CTTNBP2NL: variants seen among roughly 807,000 people sequenced by gnomAD.
CTTNBP2NL encodes the protein CTTNBP2 N-terminal like.
A neutral mutation model predicts 32.5 loss-of-function variants in CTTNBP2NL; 16 were observed. The observed-to-expected ratio is 0.49, with a 90% CI of 0.33 to 0.75. CTTNBP2NL has a LOEUF of 0.75. Ranked by LOEUF, CTTNBP2NL falls within the 30% of genes least tolerant of loss-of-function variation. The pLI, the probability that CTTNBP2NL is intolerant of heterozygous loss-of-function variation, is 0.02. For synonymous variants in CTTNBP2NL, 298 were observed against 289.4 expected (o/e 1.03, Z -0.30); for missense variants, 645 against 756.0 (o/e 0.85, Z 1.72).
chr1:112,449,424 AC>A (rs1650155642), intron 4 of CTTNBP2NL, among the ~76,000 whole-genome samples: 3 of 108,504 alleles, frequency 2.8e-5, no homozygotes, highest in Middle Eastern at 5.6e-3. Flanking sequence ...ACTCCAAAAC[AC>A]TTTGTATGTT....
intron 2 of CTTNBP2NL, among the ~76,000 whole-genome samples, chr1:112,415,084 G>C (rs1649016209): frequency 6.6e-6 from 1 of 152,112 alleles, no homozygotes; most frequent in South Asian, 2.1e-4. Context: ...CTAGCTACTT[G>C]GGAGGCTGAG....
At chr1:112,421,944 G>T (rs957673916) in intron 3 of CTTNBP2NL, among the ~76,000 whole-genome samples, 10 of 152,046 alleles carry the variant, frequency 6.6e-5, no homozygotes, top group Non-Finnish European at 1.5e-4. Context: ...ATTGTTTGAT[G>T]CAGCTTATTT....
intron 3 of CTTNBP2NL, among the ~76,000 whole-genome samples, chr1:112,440,546 C>T (rs1044534457): frequency 3.3e-5 from 5 of 152,138 alleles, no homozygotes; most frequent in African/African-American, 1.2e-4. Flanking sequence ...AGTAAAGTTC[C>T]TCAAAATGCA....
chr1:112,412,593 A>G (rs1246509396), intron 2 of CTTNBP2NL, among the ~76,000 whole-genome samples: 1 of 148,468 alleles, frequency 6.7e-6, no homozygotes, highest in Non-Finnish European at 1.5e-5. Context: ...TGTAGACACT[A>G]AGCTGAGTTG....
intron 3 of CTTNBP2NL, among the ~76,000 whole-genome samples, chr1:112,427,675 C>T (rs576770582): frequency 6.6e-6 from 1 of 152,236 alleles, no homozygotes; most frequent in South Asian, 2.1e-4. Flanking sequence ...GCAAGTGGAT[C>T]ACGAGGTCAG....
chr1:112,420,198 TGCAATA>T (rs1049454714), intron 3 of CTTNBP2NL, among the ~76,000 whole-genome samples: 1 of 148,482 alleles, frequency 6.7e-6, no homozygotes, highest in Non-Finnish European at 1.5e-5. Flanking sequence ...CAGGCTGGAG[TGCAATA>T]GCATGGTTTC....
chr1:112,428,016 C>G (rs1270867788), intron 3 of CTTNBP2NL, among the ~76,000 whole-genome samples: 2 of 151,738 alleles, frequency 1.3e-5, no homozygotes, highest in Non-Finnish European at 2.9e-5. Context: ...CGTTTAATGA[C>G]ATAGTAGTGT....
chr1:112,402,056 C>A (rs1648520585), intron 1 of CTTNBP2NL, among the ~76,000 whole-genome samples: 1 of 152,148 alleles, frequency 6.6e-6, no homozygotes. Context: ...TGCGTAGATT[C>A]TTTGTGCAAA....
chr1:112,449,800 T>C (rs1373668122), intron 4 of CTTNBP2NL, among the ~76,000 whole-genome samples: 1 of 151,644 alleles, frequency 6.6e-6, no homozygotes, highest in Admixed American at 6.6e-5. Flanking sequence ...ACCTTATGGT[T>C]ATTTACAGTA....
chr1:112,400,407 TCA>T (rs1285634860), intron 1 of CTTNBP2NL, among the ~76,000 whole-genome samples: 1 of 152,186 alleles, frequency 6.6e-6, no homozygotes, highest in African/African-American at 2.4e-5. Flanking sequence ...ACACCTGTAA[TCA>T]CAGCACTTTT....
At chr1:112,410,415 C>G (rs868249805) in intron 1 of CTTNBP2NL, among the ~76,000 whole-genome samples, 20 of 151,162 alleles carry the variant, frequency 1.3e-4, no homozygotes, top group Admixed American at 4.6e-4. Flanking sequence ...AAGTGTTATA[C>G]TTAGCCCTTA....
intron 1 of CTTNBP2NL, among the ~76,000 whole-genome samples, chr1:112,410,910 C>T (rs12073629): frequency 2.1e-3 from 319 of 152,280 alleles, no homozygotes; most frequent in African/African-American, 7.3e-3. Context: ...TGACAAGTGA[C>T]AGCTTACTTA....
Position 112,458,739 on chromosome 1 carries a change from AG to A in CTTNBP2NL, c.*1328del, listed in dbSNP as rs1650455851. 6.6e-6 allele frequency: 1 copy of A among 152,202 alleles called. No individual in the cohort carries two copies. The highest frequency in any genetic ancestry group is 1.5e-5 in the Non-Finnish European group (1 of 68,068). 9.4% of individuals were successfully genotyped at this position (152,202 alleles called of 1,614,324 possible). A position where few individuals can be genotyped will look rare whatever the true frequency, so the allele number is the denominator to read the frequency against. Reference sequence around the variant, plus strand: ...GTAATCTTATCACTTTGGGAGGCTGAGATGGGAGGATCTCTTGAGACCAGGT... The same window carrying A: ...GTAATCTTATCACTTTGGGAGGCTGAATGGGAGGATCTCTTGAGACCAGGT... On this transcript the variant is annotated 3_prime_UTR_variant, in exon 6 of 6. Transcript: ENST00000271277.
intron 4 of CTTNBP2NL, among the ~76,000 whole-genome samples, chr1:112,451,777 A>AC (rs2101032210): frequency 8.1e-6 from 1 of 123,136 alleles, no homozygotes; most frequent in South Asian, 3.3e-4. Context: ...CAAAAAAAAA[A>AC]AAAAAAACAC....
chr1:112,402,913 C>T (rs773533973), intron 1 of CTTNBP2NL, among the ~76,000 whole-genome samples: 21 of 152,130 alleles, frequency 1.4e-4, no homozygotes, highest in Non-Finnish European at 1.9e-4. Context: ...CAGCCTGTCT[C>T]GTATCACAGT....
rs769809948 is a variant in CTTNBP2NL, at chr1:112,457,280, C to T, written c.1788C>T (p.Thr596=). 6.8e-6 allele frequency: 11 copies of T among 1,614,074 alleles called. No individual in the cohort carries two copies. In the South Asian group the frequency reaches 1.1e-4, roughly 16 times the overall value. Residue 596 remains threonine, a synonymous_variant, in exon 6 of 6, where the codon ACC becomes ACT. Transcript: ENST00000271277. ...KPGLTPSPSA[T]TPLTKTHSQA... ...GCCTCACCCCTTCTCCATCTGCTAC[C>T]ACTCCATTGACCAAAACTCATTCCC...
intron 3 of CTTNBP2NL, among the ~76,000 whole-genome samples, chr1:112,430,917 T>C (rs983360875): frequency 4.6e-5 from 7 of 152,230 alleles, no homozygotes; most frequent in Non-Finnish European, 1.0e-4. Context: ...TGGCATCAGC[T>C]GTTTGCTGTA....
chr1:112,408,220 A>ATT (rs397981257), intron 1 of CTTNBP2NL, among the ~76,000 whole-genome samples: 4,540 of 103,520 alleles, frequency 0.044, 367 homozygotes, highest in African/African-American at 0.17. Flanking sequence ...TTTTTTTTTA[A>ATT]TTTTTTTTTT....
intron 1 of CTTNBP2NL, among the ~76,000 whole-genome samples, chr1:112,408,208 C>CTT (rs35497062): frequency 9.3e-5 from 12 of 128,758 alleles, no homozygotes; most frequent in African/African-American, 3.6e-4. Context: ...TACTTTCTTT[C>CTT]TTTTTTTTTT....
Sources: allele counts gnomAD v4.1 joint callset (sites outside exome capture counted in the v4.1 genomes callset), GRCh38; gene constraint gnomAD v4.1.1; transcripts MANE v1.5; gene names NCBI Gene and HGNC (gene_info 2026-07-23, HGNC 2026-07-21).